ADIPOR2: variants seen among roughly 807,000 people sequenced by gnomAD.
ADIPOR2 encodes the protein adiponectin receptor protein 2.
In ADIPOR2, 18 loss-of-function variants were observed where a neutral mutation model predicts 40.9. The observed-to-expected ratio is 0.44, with a 90% CI of 0.30 to 0.65. The LOEUF is 0.65. ADIPOR2 is among the 30% of genes least tolerant of loss of function. The pLI is 0.09. For synonymous variants in ADIPOR2, 165 were observed against 166.4 expected, an observed-to-expected ratio of 0.99 and a Z score of 0.06; for missense variants, 283 against 479.2, an observed-to-expected ratio of 0.59 and a Z score of 3.82.
intron 1 of ADIPOR2, among the ~76,000 whole-genome samples, chr12:1,693,700 A>G (rs560556304): frequency 3.4e-5 from 5 of 147,468 alleles, no homozygotes; most frequent in Non-Finnish European, 1.5e-5. Flanking sequence ...AGCCCGGCCA[A>G]TTTTTTTTTT....
intron 1 of ADIPOR2, among the ~76,000 whole-genome samples, chr12:1,743,355 T>C (rs1177020355): frequency 1.4e-5 from 2 of 141,522 alleles, no homozygotes; most frequent in Non-Finnish European, 3.0e-5. Flanking sequence ...TTAAATTACA[T>C]CAAGTAACTT....
chr12:1,706,635 C>CA (rs2094663511), intron 1 of ADIPOR2, among the ~76,000 whole-genome samples: 1 of 152,094 alleles, frequency 6.6e-6, no homozygotes, highest in Non-Finnish European at 1.5e-5. Context: ...GAAATATACT[C>CA]ATTTTAGGGG....
chr12:1,699,326 C>T (rs1047846347), intron 1 of ADIPOR2, among the ~76,000 whole-genome samples: 2 of 152,084 alleles, frequency 1.3e-5, no homozygotes, highest in African/African-American at 4.8e-5. Context: ...ACTTGAAAAA[C>T]TGCAGTGCAT....
chr12:1,751,104 A>G (rs1044115546), intron 1 of ADIPOR2, among the ~76,000 whole-genome samples: 2 of 151,986 alleles, frequency 1.3e-5, no homozygotes, highest in African/African-American at 4.8e-5. Flanking sequence ...TAAAACATAT[A>G]GTAAATTTCA....
intron 1 of ADIPOR2, among the ~76,000 whole-genome samples, chr12:1,746,892 G>A (rs1318298731): frequency 6.6e-6 from 1 of 152,150 alleles, no homozygotes; most frequent in African/African-American, 2.4e-5. Flanking sequence ...AGCTGGGCAT[G>A]TTATTGCACC....
chr12:1,727,977 A>G (rs1021180637), intron 1 of ADIPOR2, among the ~76,000 whole-genome samples: 3 of 152,098 alleles, frequency 2.0e-5, no homozygotes, highest in Non-Finnish European at 2.9e-5. Flanking sequence ...ACCCAGAGAT[A>G]TTGAAGGACA....
chr12:1,735,985 G>C (rs922181225), intron 1 of ADIPOR2, among the ~76,000 whole-genome samples: 1 of 152,186 alleles, frequency 6.6e-6, no homozygotes, highest in Non-Finnish European at 1.5e-5. Flanking sequence ...TGTGCTGCTG[G>C]ATTCGGTTTG....
At chr12:1,739,006 A>G (rs2094737037) in intron 1 of ADIPOR2, among the ~76,000 whole-genome samples, 1 of 152,226 alleles carries the variant, frequency 6.6e-6, no homozygotes, top group African/African-American at 2.4e-5. Context: ...TGATAATTTT[A>G]TGCTGCCATA....
At chr12:1,720,218 A>G (rs1453540678) in intron 1 of ADIPOR2, among the ~76,000 whole-genome samples, 2 of 152,178 alleles carry the variant, frequency 1.3e-5, no homozygotes, top group African/African-American at 2.4e-5. Context: ...ATGTGTGAAT[A>G]GTAGTTTCCT....
intron 1 of ADIPOR2, among the ~76,000 whole-genome samples, chr12:1,705,832 C>T (rs1592574191): frequency 6.6e-6 from 1 of 152,088 alleles, no homozygotes; most frequent in Non-Finnish European, 1.5e-5. Flanking sequence ...TATTGAAGTC[C>T]TATAAGATGG....
intron 3 of ADIPOR2, 77 bp from the exon 4 acceptor site, chr12:1,777,777 G>T: frequency 2.2e-6 from 3 of 1,357,812 alleles, no homozygotes; most frequent in Non-Finnish European, 3.0e-6. Context: ...AGTGTGATAA[G>T]ACACAGTTGT....
At chr12:1,774,359 G>A (rs1862544002) in intron 3 of ADIPOR2, among the ~76,000 whole-genome samples, 1 of 152,188 alleles carries the variant, frequency 6.6e-6, no homozygotes, top group African/African-American at 2.4e-5. Context: ...ATGATCTTCT[G>A]AAGGAAAAGG....
At chr12:1,752,430 A>G (rs77442405) in intron 1 of ADIPOR2, among the ~76,000 whole-genome samples, 2,237 of 151,902 alleles carry the variant, frequency 0.015, 21 homozygotes, top group Middle Eastern at 0.051. Context: ...ACACTTTACA[A>G]AGCTTTATTC....
intron 1 of ADIPOR2, among the ~76,000 whole-genome samples, chr12:1,735,947 A>C (rs2094729583): frequency 6.6e-6 from 1 of 152,190 alleles, no homozygotes; most frequent in Non-Finnish European, 1.5e-5. Context: ...GATGAAGCCC[A>C]CTTGATCATG....
chr12:1,692,861 A>G (rs933377418), intron 1 of ADIPOR2, among the ~76,000 whole-genome samples: 2 of 152,100 alleles, frequency 1.3e-5, no homozygotes, highest in African/African-American at 4.8e-5. Flanking sequence ...TTTGTAAATA[A>G]AGATTTGATT....
chr12:1,703,269 GTA>G (rs1276334179), intron 1 of ADIPOR2, among the ~76,000 whole-genome samples: 3 of 152,158 alleles, frequency 2.0e-5, no homozygotes, highest in African/African-American at 7.2e-5. Flanking sequence ...AATATGCACA[GTA>G]TAATCTTACA....
intron 1 of ADIPOR2, among the ~76,000 whole-genome samples, chr12:1,716,256 A>G (rs975788686): frequency 6.6e-6 from 1 of 152,232 alleles, no homozygotes; most frequent in Non-Finnish European, 1.5e-5. Context: ...GATGATACAT[A>G]CAGGCATTTG....
At chr12:1,723,880 C>T (rs558272522) in intron 1 of ADIPOR2, among the ~76,000 whole-genome samples, 1 of 152,112 alleles carries the variant, frequency 6.6e-6, no homozygotes, top group Non-Finnish European at 1.5e-5. Context: ...TTTCTACACC[C>T]ATGCTCATAG....
At chr12:1,715,682 G>T (rs537743935) in intron 1 of ADIPOR2, among the ~76,000 whole-genome samples, 1 of 152,294 alleles carries the variant, frequency 6.6e-6, no homozygotes, top group Admixed American at 6.5e-5. Flanking sequence ...GGGGTGTCCT[G>T]TTTAGAGGGG....
Sources: gnomAD v4.1 joint callset for allele counts (sites outside exome capture counted in the v4.1 genomes callset) on GRCh38, gnomAD v4.1.1 for gene constraint, MANE v1.5 for transcripts, NCBI Gene and HGNC (gene_info 2026-07-23, HGNC 2026-07-21) for gene names.